Variants in EHMT1 observed in about 807,000 individuals in gnomAD.
EHMT1 encodes euchromatic histone lysine methyltransferase 1.
EHMT1 carries 15 observed loss-of-function variants against 147.2 expected under a neutral mutation model. The ratio of observed to expected loss-of-function variants is 0.10; its 90% CI spans 0.07 to 0.16. EHMT1 has a LOEUF of 0.16. Among genes scored for constraint, EHMT1 ranks in the 10% least tolerant of loss-of-function variants. The pLI is 1.00. For missense variants in EHMT1, 1,587 were observed against 1,772.4 expected, an observed-to-expected ratio of 0.90 and a Z score of 1.88; for synonymous variants, 795 against 709.6, an observed-to-expected ratio of 1.12 and a Z score of -1.91.
intron 1 of EHMT1, among the ~76,000 whole-genome samples, chr9:137,659,673 T>C (rs1214546394): frequency 6.6e-5 from 10 of 151,838 alleles, no homozygotes; most frequent in Middle Eastern, 3.4e-3. Context: ...CCACCTCAGC[T>C]TCCCGAGTAG....
chr9:137,834,655 C>T (rs1015461018), intron 26 of EHMT1, 118 bp from the exon 27 acceptor site: 36 of 1,595,578 alleles, frequency 2.3e-5, no homozygotes, highest in Middle Eastern at 1.9e-4. Context: ...AAAACTGCGA[C>T]CTGGGATGCG....
chr9:137,817,364 A>G (rs909616809), intron 23 of EHMT1, 75 bp from the exon 24 acceptor site: 83 of 1,547,152 alleles, frequency 5.4e-5, no homozygotes, highest in Non-Finnish European at 7.1e-5. Context: ...ACGTGGCACC[A>G]GCTGGCTTTT....
At chr9:137,710,104 A>G (rs901724475) in intron 1 of EHMT1, among the ~76,000 whole-genome samples, 2 of 151,084 alleles carry the variant, frequency 1.3e-5, no homozygotes, top group Admixed American at 1.3e-4. Flanking sequence ...TTATGTGTTT[A>G]TGTTCACTTC....
At chr9:137,825,841 G>A (rs1306609976) in intron 25 of EHMT1, among the ~76,000 whole-genome samples, 1 of 152,096 alleles carries the variant, frequency 6.6e-6, no homozygotes, top group Admixed American at 6.5e-5. Context: ...TACACCGGCG[G>A]GGCTGCCCAG....
intron 3 of EHMT1, among the ~76,000 whole-genome samples, chr9:137,727,196 C>T (rs1946714243): frequency 6.6e-6 from 1 of 152,158 alleles, no homozygotes; most frequent in South Asian, 2.1e-4. Context: ...TGCCCAGACT[C>T]ATCTTGAACT....
chr9:137,797,758 G>C (rs1446552596), intron 16 of EHMT1, among the ~76,000 whole-genome samples: 2 of 151,964 alleles, frequency 1.3e-5, no homozygotes, highest in Admixed American at 6.6e-5. Flanking sequence ...ACTGCTACAC[G>C]GACTCCACCG....
In EHMT1 at chr9:137,672,045, G is replaced by A. The variant is rs1476841983; in HGVS notation, c.22-38922G>A. Reference sequence around the variant, plus strand: ...GACCCCAGGATTCTTCCAGGGCTCCGGCTACATACAGATGTGAAGCATTAT... The same window carrying A: ...GACCCCAGGATTCTTCCAGGGCTCCAGCTACATACAGATGTGAAGCATTAT... On this transcript the variant is annotated intron_variant, in intron 1 of 26. Coordinates refer to ENST00000460843, the MANE Select transcript of EHMT1 (RefSeq NM_024757.5). 4.6e-5 allele frequency among the ~76,000 whole-genome samples: 7 copies of A among 152,172 alleles called. No homozygotes were observed. In the East Asian group the frequency reaches 9.6e-4, roughly 21 times the overall value.
intron 21 of EHMT1, chr9:137,814,209 T>TG (rs1954744398): frequency 1.6e-6 from 1 of 631,822 alleles, no homozygotes; most frequent in Non-Finnish European, 2.9e-6. Context: ...GCCTGCCCCC[T>TG]GTCCCTCTGT....
chr9:137,742,875 C>T, intron 4 of EHMT1: 1 of 218,696 alleles, frequency 4.6e-6, no homozygotes, highest in Non-Finnish European at 9.1e-6. Flanking sequence ...GAGCTTGTGT[C>T]CTAGGAAGAC....
At chr9:137,662,834 C>T (rs1589154928) in intron 1 of EHMT1, among the ~76,000 whole-genome samples, 1 of 150,218 alleles carries the variant, frequency 6.7e-6, no homozygotes, top group East Asian at 2.0e-4. Flanking sequence ...TGCTCTGTCA[C>T]CCAGGCTGGA....
chr9:137,808,687 C>T (rs1460555668), intron 18 of EHMT1, among the ~76,000 whole-genome samples: 2 of 150,618 alleles, frequency 1.3e-5, no homozygotes, highest in East Asian at 1.9e-4. Context: ...GGGGGGGGCG[C>T]GTGGTGGCAG....
chr9:137,636,960 C>T (rs1297936028), intron 1 of EHMT1, among the ~76,000 whole-genome samples: 3 of 146,820 alleles, frequency 2.0e-5, no homozygotes, highest in Admixed American at 6.9e-5. Context: ...TGCAGTGGCG[C>T]GATGTCAGCT....
intron 10 of EHMT1, chr9:137,764,201 C>T (rs1041084458): frequency 5.9e-5 from 9 of 152,534 alleles, no homozygotes; most frequent in Admixed American, 5.9e-4. Context: ...TCTGTATCTC[C>T]ACGTTTCCGG....
At chr9:137,789,442 G>A (rs954007970) in intron 15 of EHMT1, among the ~76,000 whole-genome samples, 2 of 152,226 alleles carry the variant, frequency 1.3e-5, no homozygotes, top group Non-Finnish European at 2.9e-5. Context: ...TGCACAGCAC[G>A]GGCCTCGCTC....
intron 3 of EHMT1, among the ~76,000 whole-genome samples, chr9:137,723,785 G>C (rs937553126): frequency 6.6e-6 from 1 of 152,204 alleles, no homozygotes; most frequent in South Asian, 2.1e-4. Context: ...AATGTTGCAG[G>C]CTTTAATAAA....
chr9:137,808,997 C>T (rs1404199740), intron 18 of EHMT1, among the ~76,000 whole-genome samples: 1 of 151,980 alleles, frequency 6.6e-6, no homozygotes, highest in African/African-American at 2.4e-5. Flanking sequence ...GAAAAGAGGC[C>T]CCTAAGCAAG....
At chr9:137,825,954 A>G (rs1955784486) in intron 25 of EHMT1, among the ~76,000 whole-genome samples, 1 of 152,188 alleles carries the variant, frequency 6.6e-6, no homozygotes, top group Non-Finnish European at 1.5e-5. Flanking sequence ...TTTCTGTCCC[A>G]AAGAGTTTCA....
At chr9:137,753,994 G>A (rs931141492) in intron 7 of EHMT1, among the ~76,000 whole-genome samples, 177 bp from the exon 8 acceptor site, 2 of 152,186 alleles carry the variant, frequency 1.3e-5, no homozygotes, top group African/African-American at 4.8e-5. Context: ...TTAGGGAAAA[G>A]CGCAGGGTGC....
In EHMT1 at chr9:137,787,599, G is replaced by A. The variant is rs557913343; in HGVS notation, c.2383-3249G>A. The A allele has an allele frequency of 2.6e-5, 13 of 500,364 alleles. No homozygotes were observed. Among genetic ancestry groups the A allele is most frequent in the Admixed American group, 6.5e-5 (2 of 30,576 alleles). The allele number at this position is 500,364 out of a possible 1,614,324, so 31.0% of individuals were successfully genotyped here. A position where few individuals can be genotyped will look rare whatever the true frequency, so the allele number is the denominator to read the frequency against. ...TGCTGTGGTCGCAGACAACCGCCTC[G>A]CCTTGGCTCCCTGGCAACAAGCTGG... is the stretch of plus-strand genomic sequence containing the variant. On this transcript the variant is annotated intron_variant, in intron 15 of 26. Coordinates refer to ENST00000460843, the MANE Select transcript of EHMT1 (RefSeq NM_024757.5). This position sits in a 1 kb window ranked among gnomAD's most constrained non-coding sequence, Gnocchi z 4.2.
Sources: allele counts gnomAD v4.1 joint callset (sites outside exome capture counted in the v4.1 genomes callset), GRCh38; gene constraint gnomAD v4.1.1; non-coding constraint Gnocchi (gnomAD v3.1); transcripts MANE v1.5; gene names NCBI Gene and HGNC (gene_info 2026-07-23, HGNC 2026-07-21).